The following TASP1 variants were observed in gnomAD, a reference collection of about 807,000 sequenced individuals.
TASP1 encodes taspase 1, also known as threonine aspartase 1.
Under a neutral mutation model 56.6 loss-of-function variants are expected in TASP1, and 16 were observed. That is an observed-to-expected ratio of 0.28 (90% confidence interval 0.19 to 0.43). The LOEUF (loss-of-function observed/expected upper bound fraction) is 0.43. Among genes scored for constraint, TASP1 ranks in the 20% least tolerant of loss-of-function variants. The probability of loss-of-function intolerance (pLI) is 1.00; values close to 1 mark genes in which losing one functional copy is unlikely to be tolerated. For missense variants in TASP1, 393 were observed against 511.6 expected, an observed-to-expected ratio of 0.77 and a Z score of 2.24; for synonymous variants, 179 against 184.2, an observed-to-expected ratio of 0.97 and a Z score of 0.23.
intron 10 of TASP1, among the ~76,000 whole-genome samples, chr20:13,491,881 A>T (rs548175853): frequency 6.6e-6 from 1 of 152,324 alleles, no homozygotes; most frequent in South Asian, 2.1e-4. Context: ...TTATTAATGT[A>T]GTGTTCTAAT....
intron 6 of TASP1, among the ~76,000 whole-genome samples, chr20:13,578,888 C>T (rs1320529033): frequency 6.6e-6 from 1 of 152,216 alleles, no homozygotes; most frequent in Non-Finnish European, 1.5e-5. Flanking sequence ...GTACATCCAA[C>T]TCTTTCATCT....
chr20:13,578,635 G>C (rs935688040), intron 6 of TASP1, among the ~76,000 whole-genome samples: 2 of 151,922 alleles, frequency 1.3e-5, no homozygotes, highest in Middle Eastern at 3.4e-3. Context: ...CTTTTTCTTA[G>C]TGATGTGACA....
rs151267244 is a variant in TASP1 at position 13,563,035 on chromosome 20, C to T, written c.569-3921G>A. Among the ~76,000 whole-genome samples, 554 of 141,038 alleles carry T rather than the reference C, an allele frequency of 3.9e-3. 3 individuals carry two copies. The highest frequency in any genetic ancestry group is 0.031 in the Middle Eastern group (8 of 258). The allele number at this position is 141,038 out of a possible 152,430, so 92.5% of individuals were successfully genotyped here. Reference sequence around the variant, plus strand: ...GTGTATATATACACACACATACATACGCACGTATACACATACACAACACAC... The same window carrying T: ...GTGTATATATACACACACATACATATGCACGTATACACATACACAACACAC... On this transcript the variant is annotated intron_variant, in intron 7 of 13. Transcript: ENST00000337743.
At chr20:13,227,328 C>T in the TASP1 span, among the ~76,000 whole-genome samples, 2 of 151,606 alleles carry the variant, frequency 1.3e-5, no homozygotes, top group Admixed American at 6.6e-5. Flanking sequence ...CTCAGCCTCC[C>T]GAGTAGCTGG....
intron 11 of TASP1, among the ~76,000 whole-genome samples, chr20:13,467,206 C>CACACAA (rs2044293763): frequency 6.6e-6 from 1 of 151,302 alleles, no homozygotes; most frequent in Non-Finnish European, 1.5e-5. Flanking sequence ...CACACACACA[C>CACACAA]ACACACACAC....
intron 11 of TASP1, among the ~76,000 whole-genome samples, chr20:13,439,931 G>T (rs932562163): frequency 1.3e-5 from 2 of 152,102 alleles, no homozygotes; most frequent in East Asian, 3.9e-4. Context: ...AAACTGAAAA[G>T]GTCCATCAAC....
the TASP1 span, among the ~76,000 whole-genome samples, chr20:13,250,555 G>A: frequency 6.6e-6 from 1 of 152,140 alleles, no homozygotes; most frequent in African/African-American, 2.4e-5. Flanking sequence ...AATCGCCTGG[G>A]GATCTTTTTA....
At chr20:13,361,564 C>T in the TASP1 span, among the ~76,000 whole-genome samples, 1 of 152,200 alleles carries the variant, frequency 6.6e-6, no homozygotes, top group African/African-American at 2.4e-5. Context: ...TCAGGCCTGT[C>T]CTCAGGGTAC....
intron 10 of TASP1, among the ~76,000 whole-genome samples, chr20:13,502,849 A>G (rs748898047): frequency 2.0e-5 from 3 of 152,208 alleles, no homozygotes; most frequent in Admixed American, 2.0e-4. Context: ...ACACAGTTGG[A>G]GCACAAGATC....
intron 4 of TASP1, among the ~76,000 whole-genome samples, chr20:13,599,057 A>C (rs951510225): frequency 6.6e-6 from 1 of 152,000 alleles, no homozygotes; most frequent in Non-Finnish European, 1.5e-5. Context: ...TGGAGAAATA[A>C]GAACGCTTTT....
intron 13 of TASP1, among the ~76,000 whole-genome samples, chr20:13,402,450 G>A (rs967498787): frequency 2.0e-5 from 3 of 152,088 alleles, no homozygotes; most frequent in Non-Finnish European, 2.9e-5. Context: ...TCAAATTCTG[G>A]GCAAACTTAA....
At chr20:13,598,021 C>T (rs1486646021) in intron 4 of TASP1, among the ~76,000 whole-genome samples, 6 of 151,938 alleles carry the variant, frequency 3.9e-5, no homozygotes, top group East Asian at 3.9e-4. Flanking sequence ...CACTGCTCAA[C>T]AAAATAAAAG....
the TASP1 span, among the ~76,000 whole-genome samples, chr20:13,247,530 G>C: frequency 1.3e-5 from 2 of 150,850 alleles, no homozygotes; most frequent in Admixed American, 1.3e-4. Flanking sequence ...GTGTGTGTGT[G>C]TGTGTGTGTG....
chr20:13,312,335 T>A, the TASP1 span, among the ~76,000 whole-genome samples: 1 of 151,896 alleles, frequency 6.6e-6, no homozygotes, highest in African/African-American at 2.4e-5. Context: ...CCGTGATGGG[T>A]TGAATATGGA....
chr20:13,185,005 C>T, the TASP1 span, among the ~76,000 whole-genome samples: 1 of 150,896 alleles, frequency 6.6e-6, no homozygotes, highest in Non-Finnish European at 1.5e-5. Flanking sequence ...ATTTTTTTTC[C>T]CTCAAATATG....
At chr20:13,221,635 G>A in the TASP1 span, 4 of 604,692 alleles carry the variant, frequency 6.6e-6, no homozygotes, top group African/African-American at 2.0e-5. Context: ...CCAGCCCCGC[G>A]GGCCCGGGAA....
the TASP1 span, among the ~76,000 whole-genome samples, chr20:13,250,411 G>C: frequency 6.6e-6 from 1 of 152,130 alleles, no homozygotes; most frequent in Non-Finnish European, 1.5e-5. Context: ...AAGTCCTTGG[G>C]GGCATATGGA....
intron 4 of TASP1, among the ~76,000 whole-genome samples, chr20:13,622,974 G>A (rs1325914067): frequency 6.6e-6 from 1 of 152,024 alleles, no homozygotes; most frequent in African/African-American, 2.4e-5. Flanking sequence ...CAGTAAACTG[G>A]GGACAAACCT....
rs1303870319 is a variant in TASP1 at position 13,550,400 on chromosome 20, A to G, written c.675+8608T>C. 2.6e-5 allele frequency among the ~76,000 whole-genome samples: 4 copies of G among 152,094 alleles called. No individual in the cohort carries two copies. The South Asian group carries it at 6.2e-4, about 24-fold the overall frequency. On this transcript the variant is annotated intron_variant, in intron 8 of 13. Transcript: ENST00000337743. The stretch of plus-strand genomic sequence containing the variant: ...GTTACTGACCTATCTACTGATTTAC[A>G]TGTAAAATCTGTAGGCTCATCCAGT...
Sources: gnomAD v4.1 joint callset for allele counts (sites outside exome capture counted in the v4.1 genomes callset) on GRCh38, gnomAD v4.1.1 for gene constraint, MANE v1.5 for transcripts, NCBI Gene and HGNC (gene_info 2026-07-23, HGNC 2026-07-21) for gene names.